The following LRP6 variants were observed in gnomAD, a reference collection of about 807,000 sequenced individuals.
LRP6 encodes the protein LDL receptor related protein 6.
LRP6 carries 43 observed loss-of-function variants against 184.1 expected under a neutral mutation model. The observed-to-expected ratio is 0.23, with a 90% CI of 0.18 to 0.30. LRP6 has a LOEUF of 0.30. LRP6 is among the 10% of genes least tolerant of loss of function. The probability of loss-of-function intolerance (pLI) is 1.00; values close to 1 mark genes in which losing one functional copy is unlikely to be tolerated. For synonymous variants in LRP6, 719 were observed against 684.9 expected (o/e 1.05, Z -0.78); for missense variants, 1,571 against 2,005.3 (o/e 0.78, Z 4.14).
chr12:12,159,846 A>C lies in LRP6; in HGVS notation c.2398T>G (p.Tyr800Asp), dbSNP rs779312824. 1.2e-6 allele frequency: 2 copies of C among 1,614,162 alleles called. No individual in the cohort carries two copies. The highest frequency in any genetic ancestry group is 2.2e-5 in the South Asian group (2 of 91,086). Residue 800 changes from tyrosine to aspartate, a missense_variant, in exon 11 of 23, where the codon TAT (tyrosine) becomes GAT (aspartate). By Grantham distance (160) the Tyr-to-Asp change is radical (BLOSUM62 -3). Around this residue, in one of 4 missense-constraint regions of LRP6, gnomAD observed 158 missense variants for 258.4 expected, o/e 0.61. Transcript: ENST00000261349. Reference sequence around the variant, plus strand: ...GTCCAATAAAGCCTCCTTTTAGCATAATCAATAGTTAGGCCGTTTGCCCGC... The same window carrying C: ...GTCCAATAAAGCCTCCTTTTAGCATCATCAATAGTTAGGCCGTTTGCCCGC... ...VGRANGLTID[Y>D]AKRRLYWTDL...
At chr12:12,223,670 G>T (rs1392463186) in intron 2 of LRP6, among the ~76,000 whole-genome samples, 1 of 152,002 alleles carries the variant, frequency 6.6e-6, no homozygotes, top group African/African-American at 2.4e-5. Context: ...ATTTTTAATG[G>T]GTATAAATTC....
At position 12,120,951 on chromosome 12, in the gene LRP6, A is replaced by C; in HGVS notation, c.*175T>G. ...AATCTGCTGTTTTAAGAAAATATAT[A>C]AATATCCTTTTCTTCTGTACAAATA... is the stretch of plus-strand genomic sequence containing the variant. On this transcript the variant is annotated 3_prime_UTR_variant, in exon 23 of 23. Coordinates refer to ENST00000261349, the MANE Select transcript of LRP6 (RefSeq NM_002336.3). 1 of 508,748 alleles carries C rather than the reference A, an allele frequency of 2.0e-6. No individual in the cohort carries two copies. The highest frequency in any genetic ancestry group is 3.1e-5 in the East Asian group (1 of 31,904). 31.5% of individuals were successfully genotyped at this position (508,748 alleles called of 1,614,324 possible). A position where few individuals can be genotyped will look rare whatever the true frequency, so the allele number is the denominator to read the frequency against.
At chr12:12,198,978 C>A (rs1362284206) in intron 3 of LRP6, among the ~76,000 whole-genome samples, 1 of 152,034 alleles carries the variant, frequency 6.6e-6, no homozygotes, top group Non-Finnish European at 1.5e-5. Flanking sequence ...AAACTAGCTA[C>A]ACAATGCATC....
rs868645345 is a variant in LRP6, at chr12:12,119,478, G to A, written c.*1648C>T. ...TGTAAAAAGCAGGAAACGAACTTCT[G>A]GCAAGGTGGCAGAGCAAGTGCTAGA... is the stretch of plus-strand genomic sequence containing the variant. On this transcript the variant is annotated 3_prime_UTR_variant, in exon 23 of 23. Coordinates refer to ENST00000261349, the MANE Select transcript of LRP6 (RefSeq NM_002336.3). The A allele has an allele frequency of 6.6e-6, 1 of 152,206 alleles. No individual in the cohort carries two copies. The highest frequency in any genetic ancestry group is 2.4e-5 in the African/African-American group (1 of 41,442). The allele number at this position is 152,206 out of a possible 1,614,324, so 9.4% of individuals were successfully genotyped here.
chr12:12,171,824 A>G (rs1292585533), intron 7 of LRP6, among the ~76,000 whole-genome samples: 2 of 152,190 alleles, frequency 1.3e-5, no homozygotes, highest in Non-Finnish European at 1.5e-5. Flanking sequence ...ATCTTTTTCT[A>G]CCGGGCACAA....
intron 1 of LRP6, among the ~76,000 whole-genome samples, chr12:12,246,343 T>C (rs1351417809): frequency 2.0e-5 from 3 of 152,024 alleles, no homozygotes; most frequent in Admixed American, 6.5e-5. Flanking sequence ...CCAATTTATA[T>C]AGACAAGTGT....
chr12:12,146,053 A>C (rs976640329), intron 15 of LRP6, among the ~76,000 whole-genome samples: 3 of 152,192 alleles, frequency 2.0e-5, no homozygotes, highest in Admixed American at 6.5e-5. Flanking sequence ...TTTAATTTTT[A>C]AAAATCATTC....
chr12:12,149,728 C>T (rs1171771204), intron 13 of LRP6, among the ~76,000 whole-genome samples: 2 of 152,200 alleles, frequency 1.3e-5, no homozygotes, highest in Non-Finnish European at 2.9e-5. Flanking sequence ...CTAGAGATAA[C>T]AGCAACTAGT....
chr12:12,217,458 G>A (rs1864378937), intron 2 of LRP6, among the ~76,000 whole-genome samples: 1 of 151,960 alleles, frequency 6.6e-6, no homozygotes, highest in African/African-American at 2.4e-5. Flanking sequence ...TAGAAATAAG[G>A]TACACAATAA....
At chr12:12,204,882 G>A (rs1000627606) in intron 2 of LRP6, among the ~76,000 whole-genome samples, 3 of 150,778 alleles carry the variant, frequency 2.0e-5, no homozygotes, top group Admixed American at 6.6e-5. Context: ...CAGGAGAATC[G>A]CTTGAACCTG....
At chr12:12,200,324 C>T (rs1863882412) in intron 3 of LRP6, among the ~76,000 whole-genome samples, 3 of 152,132 alleles carry the variant, frequency 2.0e-5, no homozygotes, top group Admixed American at 6.5e-5. Context: ...GTAATTAAGT[C>T]CCAGTCATCA....
intron 2 of LRP6, among the ~76,000 whole-genome samples, chr12:12,240,213 A>G (rs1217218572): frequency 6.6e-6 from 1 of 152,140 alleles, no homozygotes; most frequent in African/African-American, 2.4e-5. Flanking sequence ...CTCATCTCCA[A>G]ACATATGTGA....
intron 12 of LRP6, chr12:12,155,552 C>T: frequency 5.4e-6 from 4 of 743,746 alleles, no homozygotes; most frequent in South Asian, 2.8e-5. Context: ...GCACGTTAAG[C>T]ACGCTAAGAG....
At chr12:12,152,896 A>T (rs1242594654) in intron 12 of LRP6, among the ~76,000 whole-genome samples, 1 of 152,202 alleles carries the variant, frequency 6.6e-6, no homozygotes, top group Non-Finnish European at 1.5e-5. Flanking sequence ...TCACAAAGAA[A>T]CTTGTTATCT....
Position 12,124,381 on chromosome 12 carries a change from A to T in LRP6, c.4547+184T>A, listed in dbSNP as rs78623061. ...AGAGCGAAATCCATCTCAAAAAATT[A>T]AAAAAAAAGTATAACGTCCTGAAAG... On this transcript the variant is annotated intron_variant, in intron 22 of 22. Transcript: ENST00000261349. 8.3e-3 allele frequency among the ~76,000 whole-genome samples: 1,256 copies of T among 151,556 alleles called. 15 individuals carry two copies. Among genetic ancestry groups the T allele is most frequent in the African/African-American group, 0.029 (1,180 of 41,330 alleles).
intron 1 of LRP6, among the ~76,000 whole-genome samples, chr12:12,252,332 A>C (rs556624291): frequency 2.3e-4 from 35 of 152,300 alleles, no homozygotes; most frequent in African/African-American, 7.2e-4. Context: ...ATTTCCCCTA[A>C]GGGGCCCTAG....
Position 12,163,552 on chromosome 12 carries a change from G to C in LRP6, c.2052+721C>G, listed in dbSNP as rs147905995. 1.3e-3 allele frequency among the ~76,000 whole-genome samples: 202 copies of C among 152,218 alleles called. 3 individuals carry two copies. The highest frequency in any genetic ancestry group is 0.011 in the East Asian group (58 of 5,184). ...GTATTCTTTTCAGTAACTATTCTAG[G>C]AAGAAGAAAATAAAGAATAACTCAT... On this transcript the variant is annotated intron_variant, in intron 9 of 22. Coordinates refer to ENST00000261349, the MANE Select transcript of LRP6 (RefSeq NM_002336.3).
At chr12:12,205,009 T>C (rs971927696) in intron 2 of LRP6, among the ~76,000 whole-genome samples, 1 of 151,652 alleles carries the variant, frequency 6.6e-6, no homozygotes, top group Admixed American at 6.6e-5. Flanking sequence ...TAATGTATTA[T>C]ACTTCTCTTA....
chr12:12,126,717 G>A lies in LRP6; in HGVS notation c.4286C>T (p.Pro1429Leu), dbSNP rs557807785. The change falls in exon 20 of 23, where the codon CCA (proline) becomes CTA (leucine). Residue 1429 changes from proline (P) to leucine (L), a missense_variant. Pro to Leu is a moderately conservative substitution (Grantham distance 98). This residue lies in a region of LRP6 where 763 missense variants were observed against 859.5 expected (regional missense o/e 0.89). Coordinates refer to ENST00000261349, the MANE Select transcript of LRP6 (RefSeq NM_002336.3). ...ASVPLGYVPHPSSLSGSLPGM... is the reference protein window; with the variant it reads ...ASVPLGYVPHLSSLSGSLPGM... ...TGGAAGAGATCCTGACAAAGAACTT[G>A]GGTGTGGCACATAACCAAGAGGCAC... 1.2e-6 allele frequency: 2 copies of A among 1,614,018 alleles called. No individual in the cohort carries two copies. The highest frequency in any genetic ancestry group is 2.2e-5 in the East Asian group (1 of 44,882).
Sources: allele counts gnomAD v4.1 joint callset (sites outside exome capture counted in the v4.1 genomes callset), GRCh38; gene constraint gnomAD v4.1.1; regional missense constraint gnomAD v4.1.1; transcripts MANE v1.5; gene names NCBI Gene and HGNC (gene_info 2026-07-23, HGNC 2026-07-21).